The following ASXL2 variants were observed in gnomAD, a reference collection of about 807,000 sequenced individuals.
The protein encoded by ASXL2 is putative Polycomb group protein ASXL2.
In ASXL2, 23 loss-of-function variants were observed where a neutral mutation model predicts 122.0. That is an observed-to-expected ratio of 0.19 (90% confidence interval 0.14 to 0.27). The LOEUF (loss-of-function observed/expected upper bound fraction) is 0.27. Ranked by LOEUF, ASXL2 falls within the 10% of genes least tolerant of loss-of-function variation. ASXL2 has a pLI of 1.00. For synonymous variants in ASXL2, 650 were observed against 637.0 expected (o/e 1.02, Z -0.31); for missense variants, 1,518 against 1,713.8 (o/e 0.89, Z 2.02).
intron 3 of ASXL2, among the ~76,000 whole-genome samples, chr2:25,812,942 A>G (rs528317028): frequency 1.3e-5 from 2 of 152,360 alleles, no homozygotes; most frequent in East Asian, 1.9e-4. Context: ...TGAAGAAACT[A>G]TAAGTTTTCA....
intron 3 of ASXL2, among the ~76,000 whole-genome samples, chr2:25,828,843 A>C (rs1043801826): frequency 4.6e-5 from 7 of 151,388 alleles, no homozygotes; most frequent in Admixed American, 1.3e-4. Context: ...AAAAAAAAAA[A>C]AAAAACAACA....
At position 25,759,548 on chromosome 2, in the gene ASXL2, T is replaced by C. The variant is rs755569311; in HGVS notation, c.873A>G (p.Thr291=). 3 of 1,613,852 alleles carry C rather than the reference T, an allele frequency of 1.9e-6. No individual in the cohort carries two copies. The highest frequency in any genetic ancestry group is 2.2e-5 in the East Asian group (1 of 44,888). ...GGCAATCTCCAGGAAGGACTGAAAATGTGTGCTTGTTGATCAGTGCTCGCA... is the reference window on the plus strand; with the variant it reads ...GGCAATCTCCAGGAAGGACTGAAAACGTGTGCTTGTTGATCAGTGCTCGCA... ...TNLRALINKH[T]FSVLPGDCQQ... Residue 291 remains threonine (T), a synonymous_variant, in exon 9 of 13, where the codon ACA becomes ACG. Coordinates refer to ENST00000435504, the MANE Select transcript of ASXL2 (RefSeq NM_018263.6).
At chr2:25,816,890 C>T (rs547996321) in intron 3 of ASXL2, among the ~76,000 whole-genome samples, 9 of 152,240 alleles carry the variant, frequency 5.9e-5, no homozygotes, top group South Asian at 2.1e-4. Flanking sequence ...TTTGGGAGGC[C>T]GAGGTTGGCG....
At chr2:25,790,806 T>C (rs1233623204) in intron 5 of ASXL2, among the ~76,000 whole-genome samples, 7 of 146,228 alleles carry the variant, frequency 4.8e-5, no homozygotes, top group Non-Finnish European at 7.6e-5. Context: ...TTGTCTTTTT[T>C]TTTTTTTTTT....
intron 3 of ASXL2, chr2:25,822,321 G>T (rs370588849): frequency 2.4e-3 from 402 of 165,128 alleles, no homozygotes; most frequent in Admixed American, 5.4e-3. Context: ...GGTGGAGCCC[G>T]CCGCTGCCGC....
At chr2:25,770,012 G>A (rs931636723) in intron 6 of ASXL2, among the ~76,000 whole-genome samples, 3 of 152,202 alleles carry the variant, frequency 2.0e-5, no homozygotes, top group Admixed American at 6.5e-5. Context: ...AGTATTGACT[G>A]ACCATTGATT....
intron 1 of ASXL2, among the ~76,000 whole-genome samples, chr2:25,855,607 A>C (rs2089766973): frequency 6.6e-6 from 1 of 152,150 alleles, no homozygotes; most frequent in South Asian, 2.1e-4. Flanking sequence ...TGGAGGTTGC[A>C]GTGAGCTGAG....
intron 5 of ASXL2, among the ~76,000 whole-genome samples, chr2:25,783,415 AAGG>A (rs1380856562): frequency 1.4e-3 from 220 of 151,958 alleles, no homozygotes; most frequent in Non-Finnish European, 2.6e-3. Context: ...AAAAAAAAAA[AAGG>A]AGGTTAACAA....
At chr2:25,864,793 C>G (rs2149201523) in intron 1 of ASXL2, among the ~76,000 whole-genome samples, 1 of 151,892 alleles carries the variant, frequency 6.6e-6, no homozygotes, top group South Asian at 2.1e-4. Context: ...GCTTATTGCT[C>G]TTACACAATT....
At chr2:25,793,307 T>C (rs953948940) in intron 5 of ASXL2, among the ~76,000 whole-genome samples, 6 of 152,218 alleles carry the variant, frequency 3.9e-5, no homozygotes, top group Non-Finnish European at 8.8e-5. Context: ...CATAGTTCAC[T>C]GCAGTAGCTT....
intron 1 of ASXL2, among the ~76,000 whole-genome samples, chr2:25,874,293 A>C (rs1295023589): frequency 6.6e-6 from 1 of 152,208 alleles, no homozygotes; most frequent in East Asian, 1.9e-4. Context: ...GTTTCAGACC[A>C]GCCTGGGCAA....
chr2:25,788,633 T>C (rs13405172), intron 5 of ASXL2, among the ~76,000 whole-genome samples: 3,219 of 152,248 alleles, frequency 0.021, 113 homozygotes, highest in African/African-American at 0.07. Context: ...ATTTTGGACT[T>C]TGGTGGGTGT....
intron 11 of ASXL2, 28 bp downstream of exon 11, chr2:25,753,506 T>C (rs1177275141): frequency 1.3e-6 from 2 of 1,552,406 alleles, no homozygotes; most frequent in Non-Finnish European, 1.8e-6. Context: ...AATTAACATT[T>C]GGTTTATAGA....
At chr2:25,797,803 A>G (rs970733144) in intron 5 of ASXL2, among the ~76,000 whole-genome samples, 6 of 152,248 alleles carry the variant, frequency 3.9e-5, no homozygotes, top group Non-Finnish European at 7.3e-5. Context: ...ATGCAAAATG[A>G]TACAGTCACT....
intron 1 of ASXL2, among the ~76,000 whole-genome samples, chr2:25,851,149 A>G (rs1033566376): frequency 7.0e-6 from 1 of 142,808 alleles, no homozygotes; most frequent in East Asian, 2.0e-4. Context: ...TCCTTCTCCA[A>G]AAAAAAAAAA....
chr2:25,836,466 T>C (rs1393179877), intron 2 of ASXL2, among the ~76,000 whole-genome samples: 1 of 152,010 alleles, frequency 6.6e-6, no homozygotes, highest in Admixed American at 6.6e-5. Context: ...CTATATACAC[T>C]TTTGCATGTG....
chr2:25,794,368 T>C (rs1190402653), intron 5 of ASXL2, among the ~76,000 whole-genome samples: 1 of 152,228 alleles, frequency 6.6e-6, no homozygotes, highest in East Asian at 1.9e-4. Flanking sequence ...TGCAATATTT[T>C]ATTTTGGGGA....
At chr2:25,831,347 A>G (rs998484922) in intron 3 of ASXL2, among the ~76,000 whole-genome samples, 3 of 151,778 alleles carry the variant, frequency 2.0e-5, no homozygotes, top group African/African-American at 7.3e-5. Context: ...ACAGCTGAAA[A>G]CTTCTCTTAT....
intron 3 of ASXL2, chr2:25,822,403 C>T (rs2089323189): frequency 4.1e-6 from 1 of 246,566 alleles, no homozygotes; most frequent in Non-Finnish European, 7.9e-6. Flanking sequence ...GAGAAGTCGA[C>T]TCCCTAGCAG....
Sources: allele counts gnomAD v4.1 joint callset (sites outside exome capture counted in the v4.1 genomes callset), GRCh38; gene constraint gnomAD v4.1.1; transcripts MANE v1.5; gene names NCBI Gene and HGNC (gene_info 2026-07-23, HGNC 2026-07-21).